PHKB: variants seen among roughly 807,000 people sequenced by gnomAD.
The protein encoded by PHKB is phosphorylase kinase regulatory subunit beta.
Under a neutral mutation model 152.1 loss-of-function variants are expected in PHKB, and 122 were observed. That is an observed-to-expected ratio of 0.80 (90% CI 0.69 to 0.93). PHKB has a LOEUF of 0.93. Among genes scored for constraint, PHKB ranks in the 40% least tolerant of loss-of-function variants. PHKB has a pLI of 0.00. For missense variants in PHKB, 1,304 were observed against 1,328.4 expected (o/e 0.98, Z 0.29); for synonymous variants, 436 against 464.9 (o/e 0.94, Z 0.80).
chr16:47,535,439 G>C (rs921813762), intron 6 of PHKB, among the ~76,000 whole-genome samples: 5 of 151,976 alleles, frequency 3.3e-5, no homozygotes, highest in African/African-American at 1.2e-4. Flanking sequence ...TAAATTTCTT[G>C]TTAACAAATT....
intron 27 of PHKB, among the ~76,000 whole-genome samples, chr16:47,692,663 C>A (rs962042706): frequency 7.2e-5 from 11 of 152,008 alleles, no homozygotes; most frequent in South Asian, 2.1e-4. Flanking sequence ...TCTGTCCTTT[C>A]TTCAACTTTT....
chr16:47,587,306 C>T (rs1223140805), intron 8 of PHKB, among the ~76,000 whole-genome samples: 5 of 152,090 alleles, frequency 3.3e-5, no homozygotes, highest in African/African-American at 1.2e-4. Context: ...GAGGAATGTA[C>T]AACTCGGATT....
At chr16:47,605,511 A>G (rs1333868316) in intron 13 of PHKB, among the ~76,000 whole-genome samples, 5 of 152,362 alleles carry the variant, frequency 3.3e-5, no homozygotes, top group Middle Eastern at 3.4e-3. Context: ...TTTAGTTTCT[A>G]TAGCATGACA....
chr16:47,554,785 C>T (rs903409778), intron 7 of PHKB, among the ~76,000 whole-genome samples: 1 of 152,164 alleles, frequency 6.6e-6, no homozygotes, highest in African/African-American at 2.4e-5. Context: ...TCCCTGAAGC[C>T]TTGCATTTCC....
chr16:47,596,796 C>T (rs897909462), intron 13 of PHKB, among the ~76,000 whole-genome samples: 1 of 151,998 alleles, frequency 6.6e-6, no homozygotes, highest in Admixed American at 6.6e-5. Context: ...ATATAGGTTT[C>T]CTGCAGAAGA....
At position 47,579,256 on chromosome 16, in the gene PHKB, T is replaced by C. The variant is rs116152531; in HGVS notation, c.711-1039T>C. Among the ~76,000 whole-genome samples the C allele has an allele frequency of 2.9e-3, 448 of 152,318 alleles. 2 individuals carry two copies. Among genetic ancestry groups the C allele is most frequent in the African/African-American group, 0.01 (423 of 41,562 alleles). On this transcript the variant is annotated intron_variant, in intron 7 of 30. Coordinates refer to ENST00000323584, the MANE Select transcript of PHKB (RefSeq NM_000293.3). ...TCCTGCAATAAAAGTGATGATTTCTTAAAAACAGGTTATGAAACAACTTAT... is the reference window on the plus strand; with the variant it reads ...TCCTGCAATAAAAGTGATGATTTCTCAAAAACAGGTTATGAAACAACTTAT...
At chr16:47,499,369 T>C (rs1215600112) in intron 2 of PHKB, among the ~76,000 whole-genome samples, 1 of 152,240 alleles carries the variant, frequency 6.6e-6, no homozygotes, top group Non-Finnish European at 1.5e-5. Context: ...TTCTTGTGCA[T>C]TTGCTTTAAG....
rs185313486 is a variant in PHKB, at chr16:47,690,867, G to A, written c.2765+1692G>A. On this transcript the variant is annotated intron_variant, in intron 27 of 30. Transcript: ENST00000323584. ...TCTACCTTAACCAAAAGATTAAGGT[G>A]AACATCGCCAGTAATAAGACACATC... Among the ~76,000 whole-genome samples the A allele has an allele frequency of 2.4e-3, 363 of 152,238 alleles. 1 individual carries two copies. The highest frequency in any genetic ancestry group is 4.4e-3 in the Non-Finnish European group (302 of 68,010).
intron 1 of PHKB, chr16:47,462,750 G>A (rs1241879043): frequency 1.0e-5 from 1 of 96,566 alleles, no homozygotes; most frequent in Non-Finnish European, 2.1e-5. Context: ...TTTTTTTTTT[G>A]GAGAAAGTAA....
At chr16:47,513,425 G>GACAC (rs1422557658) in intron 5 of PHKB, among the ~76,000 whole-genome samples, 5 of 152,194 alleles carry the variant, frequency 3.3e-5, no homozygotes, top group African/African-American at 1.2e-4. Context: ...AAATGTTAGT[G>GACAC]TAAGTCTAAA....
chr16:47,695,314 C>T (rs938202204), intron 28 of PHKB, among the ~76,000 whole-genome samples: 1 of 152,170 alleles, frequency 6.6e-6, no homozygotes, highest in Non-Finnish European at 1.5e-5. Context: ...AAGGGTCTTC[C>T]TTTCCTTCTG....
chr16:47,637,913 G>T (rs547412701), intron 14 of PHKB, among the ~76,000 whole-genome samples: 46 of 152,184 alleles, frequency 3.0e-4, no homozygotes, highest in Non-Finnish European at 6.3e-4. Flanking sequence ...CTTCTCTCTG[G>T]TTCATAAATG....
At chr16:47,549,262 A>T (rs916278072) in intron 7 of PHKB, among the ~76,000 whole-genome samples, 1 of 152,234 alleles carries the variant, frequency 6.6e-6, no homozygotes, top group Admixed American at 6.5e-5. Context: ...GATGATTTTT[A>T]AAATTTACCT....
intron 9 of PHKB, among the ~76,000 whole-genome samples, chr16:47,587,994 A>C (rs1971963413): frequency 6.6e-6 from 1 of 152,196 alleles, no homozygotes; most frequent in African/African-American, 2.4e-5. Context: ...GGAGAATAGA[A>C]AAACAGACTT....
intron 7 of PHKB, chr16:47,565,617 G>A (rs1971551799): frequency 9.4e-7 from 1 of 1,062,032 alleles, no homozygotes; most frequent in South Asian, 1.3e-5. Context: ...TCTGCCGGAT[G>A]TGGCAGAGGT....
Position 47,650,620 on chromosome 16 carries a change from A to G in PHKB, c.1874A>G (p.Asn625Ser), listed in dbSNP as rs2151731440. 1.9e-6 allele frequency: 3 copies of G among 1,601,384 alleles called. No individual in the cohort carries two copies. Among genetic ancestry groups the G allele is most frequent in the Non-Finnish European group, 2.6e-6 (3 of 1,168,476 alleles). Residue 625 changes from asparagine (N) to serine (S), a missense_variant, in exon 19 of 31, where the codon AAT (asparagine) becomes AGT (serine). Transcript: ENST00000323584. ...TTCCTTGTTCTCATCCGGGAAGACA[A>G]TATAAGGTAGGTTGATAAAAGAAGT... ...PLFLVLIRED[N>S]IRGSRFNPIL...
At position 47,511,552 on chromosome 16, in the gene PHKB, T is replaced by C. The variant is rs1970509976; in HGVS notation, c.406-113T>C. 3.9e-6 allele frequency: 3 copies of C among 772,854 alleles called. No homozygotes were observed. In the Admixed American group the frequency reaches 5.7e-5, roughly 15 times the overall value. 47.9% of individuals were successfully genotyped at this position (772,854 alleles called of 1,614,324 possible). A position where few individuals can be genotyped will look rare whatever the true frequency, so the allele number is the denominator to read the frequency against. ...AAGGTAACGTTTCTGCTTTGTTCGGTCCTCTGCCTTAGCTTTGTTCATTAA... is the reference window on the plus strand; with the variant it reads ...AAGGTAACGTTTCTGCTTTGTTCGGCCCTCTGCCTTAGCTTTGTTCATTAA... On this transcript the variant is annotated intron_variant, in intron 4 of 30. Coordinates refer to ENST00000323584, the MANE Select transcript of PHKB (RefSeq NM_000293.3).
At chr16:47,530,818 AG>A (rs1250634635) in intron 6 of PHKB, among the ~76,000 whole-genome samples, 1 of 152,250 alleles carries the variant, frequency 6.6e-6, no homozygotes, top group East Asian at 1.9e-4. Flanking sequence ...AATAAATATT[AG>A]CATAAATAAT....
intron 10 of PHKB, among the ~76,000 whole-genome samples, chr16:47,591,053 C>G (rs1436339410): frequency 1.3e-5 from 2 of 152,178 alleles, no homozygotes; most frequent in African/African-American, 2.4e-5. Context: ...CCATCCTATT[C>G]TCTTTTCCTT....
Sources: gnomAD v4.1 joint callset for allele counts (sites outside exome capture counted in the v4.1 genomes callset) on GRCh38, gnomAD v4.1.1 for gene constraint, MANE v1.5 for transcripts, NCBI Gene and HGNC (gene_info 2026-07-23, HGNC 2026-07-21) for gene names.